The following NRP2 variants were observed in gnomAD, a reference collection of about 807,000 sequenced individuals.
The protein encoded by NRP2 is neuropilin-2.
Under a neutral mutation model 110.4 loss-of-function variants are expected in NRP2, and 52 were observed. The observed-to-expected ratio is 0.47, with a 90% confidence interval of 0.38 to 0.59. The LOEUF is 0.59. Ranked by LOEUF, NRP2 falls within the 20% of genes least tolerant of loss-of-function variation. The pLI is 0.00. For synonymous variants in NRP2, 508 were observed against 468.9 expected, an observed-to-expected ratio of 1.08 and a Z score of -1.08; for missense variants, 1,049 against 1,203.0, an observed-to-expected ratio of 0.87 and a Z score of 1.89.
At chr2:205,705,630 C>T (rs1052407362) in intron 2 of NRP2, among the ~76,000 whole-genome samples, 1 of 152,180 alleles carries the variant, frequency 6.6e-6, no homozygotes, top group African/African-American at 2.4e-5. Context: ...TCTTGCCAGA[C>T]ATCAGGTCCT....
intron 7 of NRP2, among the ~76,000 whole-genome samples, chr2:205,728,571 C>A (rs1390804454): frequency 1.3e-5 from 2 of 152,220 alleles, no homozygotes; most frequent in African/African-American, 4.8e-5. Context: ...TCATGCTTAG[C>A]GGCGAGGCAT....
chr2:205,719,675 A>G (rs2056972897), intron 3 of NRP2, among the ~76,000 whole-genome samples: 1 of 152,164 alleles, frequency 6.6e-6, no homozygotes. Context: ...GAAAACTCGG[A>G]GTGCCTACTG....
rs2056157170 is a variant in NRP2 at position 205,686,195 on chromosome 2, C to T, written c.73+2832C>T. ...GCTGAAGCCTCCGCGAAGTTGGCCG[C>T]CTCCAACTACTCCATGCTTGTGCCC... On this transcript the variant is annotated intron_variant, in intron 1 of 16. Coordinates refer to ENST00000357785, the MANE Select transcript of NRP2 (RefSeq NM_003872.3). The surrounding 1 kb of genome is among the most constrained non-coding windows in gnomAD (Gnocchi z 4.7). Among the ~76,000 whole-genome samples the T allele has an allele frequency of 6.6e-6, 1 of 152,140 alleles. No homozygotes were observed.
At chr2:205,776,917 G>T (rs1384334528) in intron 15 of NRP2, 11 of 1,193,342 alleles carry the variant, frequency 9.2e-6, no homozygotes, top group African/African-American at 1.6e-5. Context: ...GTGAGGGGAA[G>T]CCTGGATCTG....
chr2:205,732,547 C>G (rs991013357), intron 7 of NRP2, among the ~76,000 whole-genome samples: 3 of 152,222 alleles, frequency 2.0e-5, no homozygotes, highest in African/African-American at 7.2e-5. Context: ...AATGGAATGG[C>G]GCTGCGGCTG....
intron 7 of NRP2, 124 bp from the exon 8 acceptor site, chr2:205,740,392 ACTG>A: frequency 1.1e-6 from 1 of 939,458 alleles, no homozygotes; most frequent in Non-Finnish European, 1.7e-6. Flanking sequence ...CAACATACCC[ACTG>A]ATTATTTTTA....
At chr2:205,779,722 G>A (rs1244793103) in intron 15 of NRP2, 1 of 152,134 alleles carries the variant, frequency 6.6e-6, no homozygotes, top group African/African-American at 2.4e-5. Context: ...AAACATGTGA[G>A]GTTTTTTTTC....
rs2057852523 is a variant in NRP2, at chr2:205,763,191, G to A, written c.2045-483G>A. On this transcript the variant is annotated intron_variant, in intron 12 of 16. Transcript: ENST00000357785. The surrounding 1 kb of genome is among the most constrained non-coding windows in gnomAD (Gnocchi z 4.0). Reference sequence around the variant, plus strand: ...ACAGTGCCCAGCCAAGATGGCCAGGGCTGGAAGCATCAACCACCTGGTCAT... The same window carrying A: ...ACAGTGCCCAGCCAAGATGGCCAGGACTGGAAGCATCAACCACCTGGTCAT... 6.6e-6 allele frequency among the ~76,000 whole-genome samples: 1 copy of A among 152,120 alleles called. No individual in the cohort carries two copies. Among genetic ancestry groups the A allele is most frequent in the Admixed American group, 6.5e-5 (1 of 15,282 alleles).
intron 9 of NRP2, 79 bp from the exon 10 acceptor site, chr2:205,745,667 G>C (rs1163599580): frequency 6.4e-7 from 1 of 1,562,296 alleles, no homozygotes; most frequent in Non-Finnish European, 8.8e-7. Flanking sequence ...GGGCAGGGAG[G>C]AGAAGGGGAA....
intron 10 of NRP2, 45 bp downstream of exon 10, chr2:205,745,935 T>C: frequency 6.2e-7 from 1 of 1,611,302 alleles, no homozygotes. Context: ...CACATGGTCC[T>C]CTGACCCTGG....
chr2:205,709,271 CT>C (rs1478160241), intron 2 of NRP2, among the ~76,000 whole-genome samples: 2 of 152,214 alleles, frequency 1.3e-5, no homozygotes, highest in Non-Finnish European at 2.9e-5. Context: ...TCTAACTGTG[CT>C]TTTCGTTTCA....
chr2:205,689,393 T>C (rs770015446), intron 1 of NRP2, among the ~76,000 whole-genome samples: 4 of 152,224 alleles, frequency 2.6e-5, no homozygotes, highest in Non-Finnish European at 5.9e-5. Context: ...TATGTCAGAT[T>C]ATGTAGAATA....
In NRP2 at chr2:205,715,851, A is replaced by G. The variant is rs116099335; in HGVS notation, c.252-342A>G. Among the ~76,000 whole-genome samples, 898 of 152,314 alleles carry G rather than the reference A, an allele frequency of 5.9e-3. 3 individuals are homozygous for G. Among genetic ancestry groups the G allele is most frequent in the Middle Eastern group, 0.01 (3 of 294 alleles). On this transcript the variant is annotated intron_variant, in intron 2 of 16. Transcript: ENST00000357785. ...AATGTCACAGAGCTAAGAAGGAGAGACTAAGATTCTGAGAGAGCATAATGG... is the reference window on the plus strand; with the variant it reads ...AATGTCACAGAGCTAAGAAGGAGAGGCTAAGATTCTGAGAGAGCATAATGG...
chr2:205,728,977 T>C (rs889668812), intron 7 of NRP2, among the ~76,000 whole-genome samples: 4 of 152,164 alleles, frequency 2.6e-5, no homozygotes, highest in Admixed American at 6.5e-5. Flanking sequence ...GTCTCTCCTG[T>C]AGCATTACAG....
chr2:205,703,726 G>A (rs1181812084), intron 2 of NRP2, among the ~76,000 whole-genome samples: 2 of 152,188 alleles, frequency 1.3e-5, no homozygotes, highest in Non-Finnish European at 2.9e-5. Flanking sequence ...GAGTGTGTTT[G>A]GCTGGTGTCA....
At chr2:205,749,201 A>G (rs1477431836) in intron 10 of NRP2, among the ~76,000 whole-genome samples, 2 of 151,532 alleles carry the variant, frequency 1.3e-5, no homozygotes, top group South Asian at 2.1e-4. Context: ...TCTCTCTCCA[A>G]CCTTCCCCTG....
At chr2:205,765,173 T>C (rs1036374979) in intron 13 of NRP2, among the ~76,000 whole-genome samples, 1 of 152,204 alleles carries the variant, frequency 6.6e-6, no homozygotes, top group Admixed American at 6.5e-5. Context: ...CCCCTTTCAA[T>C]AGTCTCTGAT....
chr2:205,735,498 A>G (rs1184647078), intron 7 of NRP2, among the ~76,000 whole-genome samples: 1 of 148,272 alleles, frequency 6.7e-6, no homozygotes, highest in Non-Finnish European at 1.5e-5. Context: ...ATTATAGAAT[A>G]TATTCTATAT....
intron 7 of NRP2, among the ~76,000 whole-genome samples, chr2:205,736,599 G>A (rs920087500): frequency 2.6e-5 from 4 of 152,174 alleles, no homozygotes; most frequent in East Asian, 1.9e-4. Context: ...TGGCTTACAC[G>A]CTAACATTTG....
Sources: gnomAD v4.1 joint callset for allele counts (sites outside exome capture counted in the v4.1 genomes callset) on GRCh38, gnomAD v4.1.1 for gene constraint, Gnocchi (gnomAD v3.1) non-coding constraint, MANE v1.5 for transcripts, NCBI Gene and HGNC (gene_info 2026-07-23, HGNC 2026-07-21) for gene names.